Variants in HPD observed in about 807,000 individuals in gnomAD.
HPD encodes the protein 4-hydroxyphenylpyruvic acid oxidase.
Under a neutral mutation model 56.9 loss-of-function variants are expected in HPD, and 35 were observed. The ratio of observed to expected loss-of-function variants is 0.62; its 90% CI spans 0.47 to 0.82. The LOEUF is 0.82. Among genes scored for constraint, HPD ranks in the 40% least tolerant of loss-of-function variants. HPD has a pLI of 0.00. For synonymous variants in HPD, 186 were observed against 200.2 expected, an observed-to-expected ratio of 0.93 and a Z score of 0.60; for missense variants, 442 against 506.8, an observed-to-expected ratio of 0.87 and a Z score of 1.23.
Position 121,854,666 on chromosome 12 carries a change from G to A in HPD, c.414+37C>T, listed in dbSNP as rs776410155. On this transcript the variant is annotated intron_variant, in intron 7 of 13. Coordinates refer to ENST00000289004, the MANE Select transcript of HPD (RefSeq NM_002150.3). ...GGGCTCCTGGCATCTCAGTGGTGCC[G>A]ACAGCAGGAGGGGTGGGGGCACCAA... is the stretch of plus-strand genomic sequence containing the variant. 37 of 1,443,910 alleles carry A rather than the reference G, an allele frequency of 2.6e-5. No homozygotes were observed. The East Asian group carries it at 5.7e-4, about 22-fold the overall frequency. The allele number at this position is 1,443,910 out of a possible 1,614,324, so 89.4% of individuals were successfully genotyped here. A position where few individuals can be genotyped will look rare whatever the true frequency, so the allele number is the denominator to read the frequency against.
At position 121,839,854 on chromosome 12, in the gene HPD, G is replaced by A; in HGVS notation, c.1072-16C>T. On this transcript the variant is annotated splice_polypyrimidine_tract_variant and intron_variant, in intron 13 of 13. Coordinates refer to ENST00000289004, the MANE Select transcript of HPD (RefSeq NM_002150.3). The stretch of plus-strand genomic sequence containing the variant: ...CTCCAAAACCCTGTGGCGGGAAAGA[G>A]AGGAGATGAGCCAAGGACCCAGAAA... 1.9e-6 allele frequency: 3 copies of A among 1,612,802 alleles called. No homozygotes were observed. The highest frequency in any genetic ancestry group is 1.7e-6 in the Non-Finnish European group (2 of 1,178,750).
chr12:121,871,043 A>G, the HPD span, among the ~76,000 whole-genome samples: 1 of 152,078 alleles, frequency 6.6e-6, no homozygotes, highest in Admixed American at 6.6e-5. Flanking sequence ...GTGATTCTCC[A>G]TTAGGTTTGG....
rs781539807 is a variant in HPD at position 121,849,827 on chromosome 12, A to T, written c.415-37T>A. On this transcript the variant is annotated intron_variant, in intron 7 of 13. Transcript: ENST00000289004. The stretch of plus-strand genomic sequence containing the variant: ...AAACAGCCTGGCTCGGCCCCTGGGC[A>T]CCCATCCCCGCCGAGGACAGAGCAC... 14 of 1,385,722 alleles carry T rather than the reference A, an allele frequency of 1.0e-5. No homozygotes were observed. In the East Asian group the frequency reaches 2.8e-4, roughly 28 times the overall value. The allele number at this position is 1,385,722 out of a possible 1,614,324, so 85.8% of individuals were successfully genotyped here.
chr12:121,880,934 A>G, the HPD span, among the ~76,000 whole-genome samples: 1 of 152,180 alleles, frequency 6.6e-6, no homozygotes, highest in African/African-American at 2.4e-5. Flanking sequence ...AGCTGGGACT[A>G]CAAGTGTGTC....
At chr12:121,862,750 G>A (rs1228545800), upstream of HPD, among the ~76,000 whole-genome samples, 10 of 133,592 alleles carry the variant, frequency 7.5e-5, no homozygotes, top group Non-Finnish European at 1.1e-4. Flanking sequence ...GTGCAATCTC[G>A]GCTCACTGCA....
the HPD span, among the ~76,000 whole-genome samples, chr12:121,871,694 T>C: frequency 6.6e-6 from 1 of 152,242 alleles, no homozygotes; most frequent in Non-Finnish European, 1.5e-5. Flanking sequence ...CAGGAAGCTG[T>C]ATCACCAGGC....
chr12:121,882,446 C>T, the HPD span, among the ~76,000 whole-genome samples: 126,532 of 152,118 alleles, frequency 0.83, 52,736 homozygotes, highest in Middle Eastern at 0.9. Context: ...CTTTCTAAAA[C>T]AAAGGTTTTG....
chr12:121,849,138 T>A, intron 8 of HPD, 62 bp from the exon 9 acceptor site: 1 of 964,430 alleles, frequency 1.0e-6, no homozygotes, highest in Admixed American at 1.7e-5. Flanking sequence ...CCCTTCTCCA[T>A]GACCCCTCAA....
At chr12:121,880,071 T>C in the HPD span, among the ~76,000 whole-genome samples, 1 of 149,660 alleles carries the variant, frequency 6.7e-6, no homozygotes, top group African/African-American at 2.5e-5. Context: ...TGCTTGAGCC[T>C]GGGAGGTTGA....
upstream of HPD, among the ~76,000 whole-genome samples, chr12:121,862,849 G>A (rs931888543): frequency 1.3e-5 from 2 of 149,970 alleles, no homozygotes; most frequent in Non-Finnish European, 3.0e-5. Context: ...CTCAGCTAAT[G>A]TTTTGTATTT....
At chr12:121,861,868 A>C (rs1371338984), upstream of HPD, among the ~76,000 whole-genome samples, 1 of 152,164 alleles carries the variant, frequency 6.6e-6, no homozygotes, top group Non-Finnish European at 1.5e-5. Flanking sequence ...TCCTGAATTC[A>C]CGAATTCTAG....
chr12:121,848,501 C>G (rs2707055), intron 9 of HPD, among the ~76,000 whole-genome samples: 125,387 of 151,920 alleles, frequency 0.83, 51,879 homozygotes, highest in Middle Eastern at 0.9. Context: ...TAGTAGAGAC[C>G]GGGGTTCGCC....
intron 7 of HPD, among the ~76,000 whole-genome samples, chr12:121,851,347 A>T (rs1415412529): frequency 4.3e-5 from 6 of 139,860 alleles, no homozygotes; most frequent in Admixed American, 3.7e-4. Context: ...ATTTTTTAAA[A>T]TTTTTATTTA....
chr12:121,850,865 AT>A (rs767930845), intron 7 of HPD, among the ~76,000 whole-genome samples: 1,450 of 132,902 alleles, frequency 0.011, 11 homozygotes, highest in African/African-American at 0.031. Flanking sequence ...CACCTGGCTA[AT>A]TTTTTTTTTT....
the HPD span, among the ~76,000 whole-genome samples, chr12:121,884,708 T>C: frequency 6.6e-6 from 1 of 152,150 alleles, no homozygotes; most frequent in African/African-American, 2.4e-5. Flanking sequence ...TAAAATTTTA[T>C]CTTGAAGTGG....
At chr12:121,865,246 C>G (rs185614378), upstream of HPD, among the ~76,000 whole-genome samples, 1 of 139,456 alleles carries the variant, frequency 7.2e-6, no homozygotes, top group Admixed American at 7.1e-5. Flanking sequence ...CTAACCTGGG[C>G]GACACAGCGA....
chr12:121,871,135 A>G, the HPD span, among the ~76,000 whole-genome samples: 6 of 151,988 alleles, frequency 3.9e-5, no homozygotes, highest in African/African-American at 1.5e-4. Context: ...GCCGAGGCAG[A>G]CAGATCGCTT....
chr12:121,884,171 CTT>C, the HPD span, among the ~76,000 whole-genome samples: 55,139 of 124,302 alleles, frequency 0.44, 10,451 homozygotes, highest in Middle Eastern at 0.48. Context: ...CTTTTCCTCT[CTT>C]TTTTTTTTTT....
At chr12:121,848,013 G>C (rs1877643025) in intron 9 of HPD, among the ~76,000 whole-genome samples, 1 of 152,138 alleles carries the variant, frequency 6.6e-6, no homozygotes, top group African/African-American at 2.4e-5. Context: ...AAGTGTCTTG[G>C]AACGAAATAC....
Sources: allele counts gnomAD v4.1 joint callset (sites outside exome capture counted in the v4.1 genomes callset), GRCh38; gene constraint gnomAD v4.1.1; transcripts MANE v1.5; gene names NCBI Gene and HGNC (gene_info 2026-07-23, HGNC 2026-07-21).